Variants in TNFRSF1B observed in about 807,000 individuals in gnomAD.
TNFRSF1B encodes the protein tumor necrosis factor receptor superfamily member 1B.
Under a neutral mutation model 44.6 loss-of-function variants are expected in TNFRSF1B, and 19 were observed. The observed-to-expected ratio is 0.43, with a 90% confidence interval of 0.30 to 0.62. The LOEUF is 0.62. Among genes scored for constraint, TNFRSF1B ranks in the 20% least tolerant of loss-of-function variants. TNFRSF1B has a pLI of 0.16. For synonymous variants in TNFRSF1B, 252 were observed against 261.1 expected (o/e 0.97, Z 0.34); for missense variants, 541 against 619.9 (o/e 0.87, Z 1.35).
At chr1:12,174,148 TCTTCTTCTTCTTCTTCTC>T (rs1638586256) in intron 1 of TNFRSF1B, among the ~76,000 whole-genome samples, 7 of 81,942 alleles carry the variant, frequency 8.5e-5, no homozygotes, top group African/African-American at 3.9e-4. Flanking sequence ...TTCTTCTTCT[TCTTCTTCTTCTTCTTCTC>T]CTTCTCCTTC....
Position 12,207,440 on chromosome 1 carries a change from CT to C in TNFRSF1B, c.*424del. ...CTGGCTTCCAGAAAACCCCAGCATC[CT>C]TTTCTGCAGAGGGGCTTTCTGGAGA... On this transcript the variant is annotated 3_prime_UTR_variant, in exon 10 of 10. Coordinates refer to ENST00000376259, the MANE Select transcript of TNFRSF1B (RefSeq NM_001066.3). The C allele has an allele frequency of 5.7e-6, 1 of 174,768 alleles. No homozygotes were observed. The highest frequency in any genetic ancestry group is 1.2e-5 in the Non-Finnish European group (1 of 83,258). The allele number at this position is 174,768 out of a possible 1,614,324, so 10.8% of individuals were successfully genotyped here.
chr1:12,185,834 AG>A (rs1638974749), intron 1 of TNFRSF1B, among the ~76,000 whole-genome samples: 1 of 152,262 alleles, frequency 6.6e-6, no homozygotes, highest in East Asian at 1.9e-4. Flanking sequence ...GCAACAGCAA[AG>A]GGTAACCCCC....
chr1:12,195,710 G>C (rs1639251440), intron 8 of TNFRSF1B, among the ~76,000 whole-genome samples: 1 of 152,168 alleles, frequency 6.6e-6, no homozygotes, highest in South Asian at 2.1e-4. Context: ...GACAAGGGAG[G>C]GGGGTTGGAA....
intron 1 of TNFRSF1B, among the ~76,000 whole-genome samples, chr1:12,183,656 T>TTATC (rs76161807): frequency 0.12 from 15,437 of 124,888 alleles, 1,217 homozygotes; most frequent in African/African-American, 0.13. Flanking sequence ...TTTATCTATT[T>TTATC]TATCTATCTA....
Position 12,208,763 on chromosome 1 carries a change from C to T in TNFRSF1B, c.*1743C>T, listed in dbSNP as rs757673132. On this transcript the variant is annotated 3_prime_UTR_variant, in exon 10 of 10. Coordinates refer to ENST00000376259, the MANE Select transcript of TNFRSF1B (RefSeq NM_001066.3). ...GGAGGGTGGGAGAGCCCAGCCATTACCATGGAGACAAGAAGGGTTTTCCAC... is the reference window on the plus strand; with the variant it reads ...GGAGGGTGGGAGAGCCCAGCCATTATCATGGAGACAAGAAGGGTTTTCCAC... The T allele has an allele frequency of 6.6e-6, 1 of 152,198 alleles. No individual in the cohort carries two copies. The highest frequency in any genetic ancestry group is 1.5e-5 in the Non-Finnish European group (1 of 68,064). The allele number at this position is 152,198 out of a possible 1,614,324, so 9.4% of individuals were successfully genotyped here. A position where few individuals can be genotyped will look rare whatever the true frequency, so the allele number is the denominator to read the frequency against.
chr1:12,199,733 G>T lies in TNFRSF1B; in HGVS notation c.901-2234G>T, dbSNP rs960233388. Among the ~76,000 whole-genome samples, 1 of 152,146 alleles carries T rather than the reference G, an allele frequency of 6.6e-6. No homozygotes were observed. Among genetic ancestry groups the T allele is most frequent in the African/African-American group, 2.4e-5 (1 of 41,438 alleles). ...GGGGGCGGTGGCACCTGCGCTGCTC[G>T]CTCCACCCCTGCTCTCACCTCCCGC... On this transcript the variant is annotated intron_variant, in intron 8 of 9. Coordinates refer to ENST00000376259, the MANE Select transcript of TNFRSF1B (RefSeq NM_001066.3). The surrounding 1 kb of genome is among the most constrained non-coding windows in gnomAD (Gnocchi z 4.0).
intron 1 of TNFRSF1B, among the ~76,000 whole-genome samples, chr1:12,185,703 T>C (rs1638970973): frequency 1.3e-5 from 2 of 152,120 alleles, no homozygotes; most frequent in South Asian, 4.1e-4. Flanking sequence ...GGAAAGTGCA[T>C]CTGTGTTTGA....
In TNFRSF1B at chr1:12,191,887, C is replaced by CGCAAGT. The variant is rs761655488; in HGVS notation, c.424_429dup (p.Lys142_Cys143dup). 9 of 1,610,122 alleles carry CGCAAGT rather than the reference C, an allele frequency of 5.6e-6. No homozygotes were observed. The highest frequency in any genetic ancestry group is 6.8e-6 in the Non-Finnish European group (8 of 1,178,766). On this transcript the variant is annotated inframe_insertion, in exon 4 of 10. Transcript: ENST00000376259. ...GGGGTGCCGGCTGTGCGCGCCGCTGCGCAAGTGCCGCCCGGGCTTCGGCGT... is the reference window on the plus strand; with the variant it reads ...GGGGTGCCGGCTGTGCGCGCCGCTGCGCAAGTGCAAGTGCCGCCCGGGCTTCGGCGT...
chr1:12,188,530 A>G (rs1438276976), intron 1 of TNFRSF1B, among the ~76,000 whole-genome samples: 1 of 152,182 alleles, frequency 6.6e-6, no homozygotes, highest in African/African-American at 2.4e-5. Flanking sequence ...GTTAGGGGTC[A>G]CCCAGCACTG....
At chr1:12,197,628 T>G (rs1484613688) in intron 8 of TNFRSF1B, among the ~76,000 whole-genome samples, 2 of 152,128 alleles carry the variant, frequency 1.3e-5, no homozygotes, top group African/African-American at 4.8e-5. Flanking sequence ...ATTAGGTGAG[T>G]GGCATAGCCC....
intron 1 of TNFRSF1B, among the ~76,000 whole-genome samples, chr1:12,175,141 C>T (rs1045424541): frequency 2.0e-5 from 3 of 152,138 alleles, no homozygotes; most frequent in Admixed American, 6.5e-5. Context: ...GAGCTGTCAG[C>T]GGGAGGCCTT....
chr1:12,200,573 T>G (rs533291501), intron 8 of TNFRSF1B, among the ~76,000 whole-genome samples: 1 of 152,296 alleles, frequency 6.6e-6, no homozygotes, highest in East Asian at 1.9e-4. Flanking sequence ...CCTATCTAAT[T>G]GTGCTACTGG....
rs748677496 is a variant in TNFRSF1B at position 12,194,566 on chromosome 1, C to T, written c.866-18C>T. The T allele has an allele frequency of 6.2e-7, 1 of 1,614,096 alleles. No individual in the cohort carries two copies. Among genetic ancestry groups the T allele is most frequent in the Non-Finnish European group, 8.5e-7 (1 of 1,179,988 alleles). On this transcript the variant is annotated intron_variant, in intron 7 of 9. Transcript: ENST00000376259. ...CTGAGGAAGTCAATCTCTTACTTGT[C>T]CCCTCTCCTCTTTATAGAGAAGCCC...
chr1:12,174,160 T>TCTCCTTCTC (rs61393750), intron 1 of TNFRSF1B, among the ~76,000 whole-genome samples: 18 of 67,878 alleles, frequency 2.7e-4, no homozygotes, highest in East Asian at 8.1e-4. Context: ...TTCTTCTTCT[T>TCTCCTTCTC]CTTCTCCTTC....
chr1:12,183,760 G>T (rs139991329), intron 1 of TNFRSF1B, among the ~76,000 whole-genome samples: 3,970 of 93,448 alleles, frequency 0.042, 227 homozygotes, highest in African/African-American at 0.077. Context: ...TAGCTAGCTA[G>T]CTAGCTAGCT....
intron 1 of TNFRSF1B, among the ~76,000 whole-genome samples, chr1:12,185,022 G>T (rs1638949796): frequency 6.6e-6 from 1 of 152,188 alleles, no homozygotes; most frequent in South Asian, 2.1e-4. Context: ...CCCTGCCCTT[G>T]GGGAAGCGCC....
At position 12,193,054 on chromosome 1, in the gene TNFRSF1B, G is replaced by A; in HGVS notation, c.743G>A (p.Ser248Asn). The change falls in exon 6 of 10, where the codon AGC (serine) becomes AAC (asparagine). Residue 248 changes from serine to asparagine, a missense_variant. Coordinates refer to ENST00000376259, the MANE Select transcript of TNFRSF1B (RefSeq NM_001066.3). ...STSFLLPMGP[S>N]PPAEGSTGDF... ...TCCTTCCTGCTCCCAATGGGCCCCA[G>A]CCCCCCAGCTGAAGGGAGCACTGGC... 6.2e-7 allele frequency: 1 copy of A among 1,614,128 alleles called. No homozygotes were observed. Among genetic ancestry groups the A allele is most frequent in the African/African-American group, 1.3e-5 (1 of 75,022 alleles).
At chr1:12,172,566 C>T (rs1459906421) in intron 1 of TNFRSF1B, among the ~76,000 whole-genome samples, 1 of 152,230 alleles carries the variant, frequency 6.6e-6, no homozygotes, top group Admixed American at 6.5e-5. Context: ...CTCTGAGCCC[C>T]AGGGCCCTGA....
At chr1:12,197,441 G>T (rs1274736556) in intron 8 of TNFRSF1B, among the ~76,000 whole-genome samples, 2 of 152,212 alleles carry the variant, frequency 1.3e-5, no homozygotes, top group Non-Finnish European at 2.9e-5. Context: ...ATATGGAGTT[G>T]GGAGGAAATC....
Sources: gnomAD v4.1 joint callset for allele counts (sites outside exome capture counted in the v4.1 genomes callset) on GRCh38, gnomAD v4.1.1 for gene constraint, Gnocchi (gnomAD v3.1) non-coding constraint, MANE v1.5 for transcripts, NCBI Gene and HGNC (gene_info 2026-07-23, HGNC 2026-07-21) for gene names.